AZIN1: variants seen among roughly 807,000 people sequenced by gnomAD.
AZIN1 encodes ornithine decarboxylase antizyme inhibitor.
In AZIN1, 12 loss-of-function variants were observed where a neutral mutation model predicts 47.4. That is an observed-to-expected ratio of 0.25 (90% CI 0.16 to 0.41). AZIN1 has a LOEUF of 0.41. AZIN1 is among the 10% of genes least tolerant of loss of function. The pLI is 1.00. For missense variants in AZIN1, 410 were observed against 532.4 expected (o/e 0.77, Z 2.26); for synonymous variants, 155 against 176.3 (o/e 0.88, Z 0.96).
intron 9 of AZIN1, 127 bp from the exon 10 acceptor site, chr8:102,830,063 A>G: frequency 1.5e-6 from 1 of 662,714 alleles, no homozygotes; most frequent in Non-Finnish European, 2.6e-6. Context: ...CGCATTTCAC[A>G]AAGGAAGATA....
At chr8:102,834,314 T>C (rs748335532) in intron 7 of AZIN1, 51 bp from the exon 8 acceptor site, 2 of 1,470,262 alleles carry the variant, frequency 1.4e-6, no homozygotes, top group South Asian at 1.1e-5. Flanking sequence ...GTAATGGATA[T>C]GAGAACATTT....
chr8:102,861,580 T>C (rs1429494422), intron 1 of AZIN1, among the ~76,000 whole-genome samples: 1 of 152,044 alleles, frequency 6.6e-6, no homozygotes, highest in African/African-American at 2.4e-5. Context: ...GGGCTACTAC[T>C]CAGCAACACA....
In AZIN1 at chr8:102,829,484, T is replaced by C; in HGVS notation, c.1023A>G (p.Lys341=). 1 of 1,596,272 alleles carries C rather than the reference T, an allele frequency of 6.3e-7. No individual in the cohort carries two copies. Among genetic ancestry groups the C allele is most frequent in the Non-Finnish European group, 8.5e-7 (1 of 1,174,718 alleles). ...DLNTIPEVHK[K]YKEDEPLFTS... ...TAAACAGAGGCTCATCTTCCTTGTATTTCTGTAGGAAAAGTTTTACAATTT... is the reference window on the plus strand; with the variant it reads ...TAAACAGAGGCTCATCTTCCTTGTACTTCTGTAGGAAAAGTTTTACAATTT... The change falls in exon 11 of 12, where the codon AAA becomes AAG. Residue 341 remains lysine (K), a splice_region_variant and synonymous_variant. Coordinates refer to ENST00000337198, the MANE Select transcript of AZIN1 (RefSeq NM_148174.4).
intron 2 of AZIN1, chr8:102,855,816 A>G (rs1175373043): frequency 6.6e-6 from 1 of 152,212 alleles, no homozygotes. Flanking sequence ...AGGATAACAC[A>G]TTTCTGGAAT....
intron 1 of AZIN1, 26 bp downstream of exon 1, chr8:102,863,781 C>T (rs2131302783): frequency 6.5e-6 from 1 of 152,840 alleles, no homozygotes; most frequent in South Asian, 2.0e-4. Flanking sequence ...CCTGGCCCCT[C>T]CCGCGCTCCT....
Position 102,828,484 on chromosome 8 carries a change from G to T in AZIN1, c.*83C>A. ...CCAAAAGAATTAAGAGAATAAGATTGTTTAAATTATTTTTCCACACTGGAA... is the reference window on the plus strand; with the variant it reads ...CCAAAAGAATTAAGAGAATAAGATTTTTTAAATTATTTTTCCACACTGGAA... On this transcript the variant is annotated 3_prime_UTR_variant, in exon 12 of 12. Transcript: ENST00000337198. 2 of 881,776 alleles carry T rather than the reference G, an allele frequency of 2.3e-6. No individual in the cohort carries two copies. The highest frequency in any genetic ancestry group is 3.4e-6 in the Non-Finnish European group (2 of 581,582). The allele number at this position is 881,776 out of a possible 1,614,324, so 54.6% of individuals were successfully genotyped here.
At chr8:102,845,500 C>CTGT (rs1812512796) in intron 2 of AZIN1, among the ~76,000 whole-genome samples, 2 of 152,130 alleles carry the variant, frequency 1.3e-5, no homozygotes, top group Non-Finnish European at 2.9e-5. Flanking sequence ...TGCACATTCT[C>CTGT]TAAAGACTGT....
At chr8:102,855,123 C>T (rs1813199508) in intron 2 of AZIN1, among the ~76,000 whole-genome samples, 1 of 152,096 alleles carries the variant, frequency 6.6e-6, no homozygotes. Flanking sequence ...GGCACGATCT[C>T]GGCTCACTGC....
intron 9 of AZIN1, 110 bp downstream of exon 9, chr8:102,832,946 A>G (rs966361015): frequency 9.9e-7 from 1 of 1,007,146 alleles, no homozygotes; most frequent in African/African-American, 1.6e-5. Flanking sequence ...GGCCAGTTTT[A>G]AGATTTTTAA....
intron 2 of AZIN1, among the ~76,000 whole-genome samples, chr8:102,844,876 G>A (rs556829132): frequency 9.9e-5 from 15 of 152,106 alleles, no homozygotes; most frequent in African/African-American, 3.4e-4. Flanking sequence ...CCACTCCCCC[G>A]GAGCACTCAT....
chr8:102,828,674 C>T lies in AZIN1; in HGVS notation c.1240G>A (p.Glu414Lys), dbSNP rs1811244408. 2 of 1,599,250 alleles carry T rather than the reference C, an allele frequency of 1.3e-6. No homozygotes were observed. The highest frequency in any genetic ancestry group is 8.6e-7 in the Non-Finnish European group (1 of 1,169,106). ...YYMMSFSDWY[E>K]MQDAGITSDS... ...GAAGTAATTCCAGCATCTTGCATCT[C>T]ATACCTACGTAGAAAAAAAATCAGC... Residue 414 changes from glutamate (E) to lysine (K), a missense_variant, in exon 12 of 12, where the codon GAG (glutamate) becomes AAG (lysine). By Grantham distance (56) the Glu-to-Lys change is moderately conservative. Coordinates refer to ENST00000337198, the MANE Select transcript of AZIN1 (RefSeq NM_148174.4).
chr8:102,857,538 A>G (rs980289362), intron 2 of AZIN1, among the ~76,000 whole-genome samples: 3 of 152,186 alleles, frequency 2.0e-5, no homozygotes, highest in East Asian at 3.9e-4. Flanking sequence ...TCTGTTAAAT[A>G]TCTATATTTT....
chr8:102,845,225 T>C (rs1210442393), intron 2 of AZIN1, among the ~76,000 whole-genome samples: 4 of 151,982 alleles, frequency 2.6e-5, no homozygotes, highest in East Asian at 1.9e-4. Context: ...TCGATGGTTC[T>C]TAAAAGTGTC....
chr8:102,851,458 A>C (rs1040457347), intron 2 of AZIN1, among the ~76,000 whole-genome samples: 1 of 152,362 alleles, frequency 6.6e-6, no homozygotes, highest in East Asian at 1.9e-4. Flanking sequence ...CTGTAATCCC[A>C]GCACTTTGGG....
chr8:102,854,385 A>C (rs1426229926), intron 2 of AZIN1: 1 of 151,272 alleles, frequency 6.6e-6, no homozygotes, highest in Non-Finnish European at 1.5e-5. Flanking sequence ...GGATCACCTG[A>C]GGTCTGGAGT....
intron 3 of AZIN1, among the ~76,000 whole-genome samples, chr8:102,842,943 G>A (rs1812309065): frequency 6.6e-6 from 1 of 151,664 alleles, no homozygotes; most frequent in East Asian, 2.0e-4. Context: ...GAGGCTGGGC[G>A]CGGTGGCTCG....
rs776196754 is a variant in AZIN1, at chr8:102,860,244, G to A, written c.-233-2094C>T. Among the ~76,000 whole-genome samples the A allele has an allele frequency of 2.6e-5, 4 of 152,164 alleles. No individual in the cohort carries two copies. In the East Asian group the frequency reaches 7.7e-4, roughly 29 times the overall value. ...GGCTCGGTTGGTCAGTAAGAAACAA[G>A]AAGCATTTTATGTAATTTATTTTAT... On this transcript the variant is annotated intron_variant, in intron 1 of 11. Coordinates refer to ENST00000337198, the MANE Select transcript of AZIN1 (RefSeq NM_148174.4).
At position 102,826,379 on chromosome 8, in the gene AZIN1, A is replaced by G. The variant is rs1003180006; in HGVS notation, c.*2188T>C. The G allele has an allele frequency of 6.6e-6, 1 of 152,660 alleles. No homozygotes were observed. The highest frequency in any genetic ancestry group is 2.4e-5 in the African/African-American group (1 of 41,470). The allele number at this position is 152,660 out of a possible 1,614,324, so 9.5% of individuals were successfully genotyped here. ...ACATGAGGAATAAAAACATTTATCTATGTATTCAGAATCACACACAAGTTA... is the reference window on the plus strand; with the variant it reads ...ACATGAGGAATAAAAACATTTATCTGTGTATTCAGAATCACACACAAGTTA... On this transcript the variant is annotated 3_prime_UTR_variant, in exon 12 of 12. Transcript: ENST00000337198.
chr8:102,840,791 T>C (rs776010084), intron 3 of AZIN1, among the ~76,000 whole-genome samples: 2 of 152,214 alleles, frequency 1.3e-5, no homozygotes, highest in African/African-American at 2.4e-5. Flanking sequence ...TTCAACTCTT[T>C]AATTCACAGT....
Sources: allele counts gnomAD v4.1 joint callset (sites outside exome capture counted in the v4.1 genomes callset), GRCh38; gene constraint gnomAD v4.1.1; transcripts MANE v1.5; gene names NCBI Gene and HGNC (gene_info 2026-07-23, HGNC 2026-07-21).